GALNTL6: variants seen among roughly 807,000 people sequenced by gnomAD.
The protein encoded by GALNTL6 is polypeptide N-acetylgalactosaminyltransferase like 6.
Under a neutral mutation model 73.7 loss-of-function variants are expected in GALNTL6, and 46 were observed. That is an observed-to-expected ratio of 0.62 (90% confidence interval 0.49 to 0.80). The LOEUF (loss-of-function observed/expected upper bound fraction) is 0.80. Ranked by LOEUF, GALNTL6 falls within the 30% of genes least tolerant of loss-of-function variation. The probability of loss-of-function intolerance (pLI) is 0.00; values close to 1 mark genes in which losing one functional copy is unlikely to be tolerated. For missense variants in GALNTL6, 604 were observed against 755.0 expected (o/e 0.80, Z 2.34); for synonymous variants, 259 against 263.7 (o/e 0.98, Z 0.17).
At chr4:173,031,519 T>C (rs925614254) in intron 12 of GALNTL6, among the ~76,000 whole-genome samples, 4 of 152,172 alleles carry the variant, frequency 2.6e-5, no homozygotes, top group Admixed American at 2.0e-4. Context: ...ACATAATAGG[T>C]ACTTAATTCA....
At chr4:172,155,277 C>A (rs765401782) in intron 2 of GALNTL6, among the ~76,000 whole-genome samples, 2 of 152,160 alleles carry the variant, frequency 1.3e-5, no homozygotes, top group Non-Finnish European at 2.9e-5. Flanking sequence ...GCATTACAGG[C>A]GTGAGCCACC....
At chr4:172,756,046 T>G (rs1407295335) in intron 5 of GALNTL6, among the ~76,000 whole-genome samples, 1 of 152,212 alleles carries the variant, frequency 6.6e-6, no homozygotes, top group Non-Finnish European at 1.5e-5. Flanking sequence ...TTATTAGGCC[T>G]TATACTCATC....
At chr4:172,268,802 G>A (rs545160023) in intron 3 of GALNTL6, among the ~76,000 whole-genome samples, 2 of 152,274 alleles carry the variant, frequency 1.3e-5, no homozygotes, top group South Asian at 4.1e-4. Context: ...TCTTCCATGT[G>A]AGAACACAGC....
chr4:172,333,384 G>A (rs972640716), intron 4 of GALNTL6, among the ~76,000 whole-genome samples: 3 of 151,956 alleles, frequency 2.0e-5, no homozygotes, highest in African/African-American at 4.8e-5. Flanking sequence ...CAGCCTAGGC[G>A]ACAAAAGTGA....
intron 2 of GALNTL6, among the ~76,000 whole-genome samples, chr4:171,821,478 T>C (rs1459365320): frequency 1.3e-5 from 2 of 152,014 alleles, no homozygotes; most frequent in African/African-American, 4.8e-5. Flanking sequence ...TTATTTAGGC[T>C]TAAAAATTCT....
chr4:172,844,509 T>C (rs555497252), intron 7 of GALNTL6, among the ~76,000 whole-genome samples: 14 of 152,370 alleles, frequency 9.2e-5, no homozygotes, highest in African/African-American at 3.4e-4. Flanking sequence ...CGCCGGATTT[T>C]AGTGGCATGG....
intron 2 of GALNTL6, among the ~76,000 whole-genome samples, chr4:171,822,322 G>C (rs1356923550): frequency 6.6e-6 from 1 of 152,116 alleles, no homozygotes; most frequent in African/African-American, 2.4e-5. Context: ...AATTACACAG[G>C]GTTGGCATTA....
intron 5 of GALNTL6, among the ~76,000 whole-genome samples, chr4:172,687,464 C>T (rs1732988623): frequency 6.6e-6 from 1 of 151,810 alleles, no homozygotes; most frequent in Non-Finnish European, 1.5e-5. Flanking sequence ...CCCGTCTCTA[C>T]TAAAAATGCA....
chr4:172,450,215 T>TG (rs542333845), intron 5 of GALNTL6, among the ~76,000 whole-genome samples: 1 of 142,944 alleles, frequency 7.0e-6, no homozygotes, highest in African/African-American at 2.6e-5. Context: ...GAAACTCCAT[T>TG]AAAAAAAAAA....
chr4:172,072,503 A>G (rs558214331), intron 2 of GALNTL6, among the ~76,000 whole-genome samples: 3 of 152,254 alleles, frequency 2.0e-5, no homozygotes, highest in African/African-American at 7.2e-5. Flanking sequence ...ATAACACATT[A>G]CTTGACATCT....
chr4:171,968,698 C>T (rs1305143394), intron 2 of GALNTL6, among the ~76,000 whole-genome samples: 4 of 152,174 alleles, frequency 2.6e-5, no homozygotes, highest in Non-Finnish European at 5.9e-5. Flanking sequence ...GTAGAGAAAG[C>T]CTCAGATGAT....
intron 5 of GALNTL6, among the ~76,000 whole-genome samples, chr4:172,415,075 TTAAG>T (rs1281343930): frequency 6.6e-6 from 1 of 152,166 alleles, no homozygotes; most frequent in Non-Finnish European, 1.5e-5. Context: ...TTGCTTGCTA[TTAAG>T]TTTCTATTTC....
chr4:173,002,788 C>G lies in GALNTL6; in HGVS notation c.1372-6390C>G, dbSNP rs1752103762. 2.3e-5 allele frequency among the ~76,000 whole-genome samples: 2 copies of G among 85,992 alleles called. 1 individual carries two copies. Among genetic ancestry groups the G allele is most frequent in the South Asian group, 1.0e-3 (2 of 1,920 alleles). 56.4% of individuals were successfully genotyped at this position (85,992 alleles called of 152,430 possible). On this transcript the variant is annotated intron_variant, in intron 10 of 12. Transcript: ENST00000506823. Reference sequence around the variant, plus strand: ...CCAGCCTGGGGGACAGAGTGAGACTCCGTCTCAAAAAAAAAAAAAAAAAAA... The same window carrying G: ...CCAGCCTGGGGGACAGAGTGAGACTGCGTCTCAAAAAAAAAAAAAAAAAAA...
intron 5 of GALNTL6, among the ~76,000 whole-genome samples, chr4:172,711,097 TA>T (rs889840251): frequency 3.2e-4 from 49 of 152,058 alleles, no homozygotes; most frequent in African/African-American, 1.1e-3. Context: ...TAGGGCAAAA[TA>T]AGTCAGGGAA....
chr4:171,824,074 A>ATT (rs890744768), intron 2 of GALNTL6, among the ~76,000 whole-genome samples: 170 of 54,886 alleles, frequency 3.1e-3, no homozygotes, highest in South Asian at 8.6e-3. Flanking sequence ...ACACAAATCC[A>ATT]TTTTATATAT....
At chr4:172,236,547 A>C (rs1370408310) in intron 3 of GALNTL6, among the ~76,000 whole-genome samples, 12 of 118,146 alleles carry the variant, frequency 1.0e-4, no homozygotes, top group African/African-American at 3.9e-4. Context: ...CGACAGAGTA[A>C]GACTCCGTCT....
At chr4:172,587,183 C>T (rs541437080) in intron 5 of GALNTL6, among the ~76,000 whole-genome samples, 50 of 152,276 alleles carry the variant, frequency 3.3e-4, no homozygotes, top group Non-Finnish European at 6.3e-4. Flanking sequence ...TTAGAAAGAA[C>T]ACTAACAGAT....
chr4:172,762,337 A>G (rs1035738230), intron 5 of GALNTL6, among the ~76,000 whole-genome samples: 1 of 152,222 alleles, frequency 6.6e-6, no homozygotes, highest in Non-Finnish European at 1.5e-5. Flanking sequence ...CCATTAATGA[A>G]ACTGGCTGTA....
intron 2 of GALNTL6, among the ~76,000 whole-genome samples, chr4:171,868,735 G>A (rs1736043763): frequency 1.3e-5 from 2 of 152,026 alleles, no homozygotes; most frequent in Non-Finnish European, 2.9e-5. Flanking sequence ...AGGCTGGAGT[G>A]CAGTGGTGTG....
Sources: allele counts gnomAD v4.1 joint callset (sites outside exome capture counted in the v4.1 genomes callset), GRCh38; gene constraint gnomAD v4.1.1; transcripts MANE v1.5; gene names NCBI Gene and HGNC (gene_info 2026-07-23, HGNC 2026-07-21).